The following LTBP1 variants were observed in gnomAD, a reference collection of about 807,000 sequenced individuals.
LTBP1 encodes the protein latent-transforming growth factor beta-binding protein 1.
In LTBP1, 129 loss-of-function variants were observed where a neutral mutation model predicts 207.6. The observed-to-expected ratio is 0.62, with a 90% CI of 0.54 to 0.72. LTBP1 has a LOEUF of 0.72. Ranked by LOEUF, LTBP1 falls within the 30% of genes least tolerant of loss-of-function variation. The probability of loss-of-function intolerance (pLI) is 0.00; values close to 1 mark genes in which losing one functional copy is unlikely to be tolerated. For synonymous variants in LTBP1, 963 were observed against 833.7 expected (o/e 1.16, Z -2.67); for missense variants, 2,281 against 2,217.2 (o/e 1.03, Z -0.58).
At chr2:32,969,904 C>A (rs1406829339) in intron 2 of LTBP1, among the ~76,000 whole-genome samples, 1 of 152,138 alleles carries the variant, frequency 6.6e-6, no homozygotes, top group Non-Finnish European at 1.5e-5. Flanking sequence ...TATAAACATT[C>A]CCTTTTTTTC....
At chr2:32,972,777 G>T (rs1267078020) in intron 2 of LTBP1, among the ~76,000 whole-genome samples, 1 of 152,130 alleles carries the variant, frequency 6.6e-6, no homozygotes, top group African/African-American at 2.4e-5. Context: ...CTCTCCTGCT[G>T]CCATGTAAGA....
chr2:32,955,501 T>A (rs891890044), intron 2 of LTBP1, among the ~76,000 whole-genome samples: 2 of 152,208 alleles, frequency 1.3e-5, no homozygotes, highest in African/African-American at 4.8e-5. Context: ...AATTACAAAA[T>A]TTTTAAAGTT....
At chr2:32,953,036 G>A (rs915246357) in intron 2 of LTBP1, among the ~76,000 whole-genome samples, 15 of 152,160 alleles carry the variant, frequency 9.9e-5, no homozygotes, top group Admixed American at 7.2e-4. Flanking sequence ...CACTTAACTC[G>A]TGGCACATCA....
intron 26 of LTBP1, among the ~76,000 whole-genome samples, chr2:33,354,584 T>C (rs1053317340): frequency 6.6e-6 from 1 of 152,038 alleles, no homozygotes; most frequent in Non-Finnish European, 1.5e-5. Context: ...GATTTTCTGC[T>C]TGCTATAGAT....
chr2:33,079,515 G>A (rs1180561218), intron 3 of LTBP1, among the ~76,000 whole-genome samples: 1 of 152,194 alleles, frequency 6.6e-6, no homozygotes, highest in Non-Finnish European at 1.5e-5. Flanking sequence ...AAGGGTGTGT[G>A]TGAGATTAGT....
At chr2:32,978,903 T>G (rs1373115383) in intron 2 of LTBP1, among the ~76,000 whole-genome samples, 1 of 151,902 alleles carries the variant, frequency 6.6e-6, no homozygotes, top group Non-Finnish European at 1.5e-5. Context: ...CTGTTCAGGT[T>G]TTGAATTTCT....
chr2:33,329,030 G>T (rs1328156861), intron 24 of LTBP1, among the ~76,000 whole-genome samples: 3 of 152,040 alleles, frequency 2.0e-5, no homozygotes, highest in Non-Finnish European at 2.9e-5. Context: ...ATTTCTGTTG[G>T]ATATCACTAA....
intron 3 of LTBP1, among the ~76,000 whole-genome samples, chr2:33,070,276 C>T (rs530131266): frequency 1.7e-4 from 26 of 152,286 alleles, no homozygotes; most frequent in African/African-American, 5.5e-4. Flanking sequence ...CATCTGGAGC[C>T]GTTGTTGCTT....
chr2:33,013,631 T>C (rs1210578401), intron 2 of LTBP1, among the ~76,000 whole-genome samples: 1 of 152,182 alleles, frequency 6.6e-6, no homozygotes, highest in Non-Finnish European at 1.5e-5. Context: ...TCAGAAACAA[T>C]CCAGGAAAAC....
chr2:33,354,132 G>A lies in LTBP1; in HGVS notation c.4001-6465G>A, dbSNP rs2094822542. On this transcript the variant is annotated intron_variant, in intron 26 of 33. Coordinates refer to ENST00000404816, the MANE Select transcript of LTBP1 (RefSeq NM_206943.4). ...CCCACCTCAGCCTCCCAAAGTGCTG[G>A]GATTACAGGAGTGAGCCACCGCGCT... 2.0e-5 allele frequency among the ~76,000 whole-genome samples: 3 copies of A among 152,192 alleles called. No homozygotes were observed. In the South Asian group the frequency reaches 6.2e-4, roughly 32 times the overall value.
intron 9 of LTBP1, among the ~76,000 whole-genome samples, chr2:33,241,268 A>C (rs1322982626): frequency 2.0e-5 from 3 of 152,162 alleles, no homozygotes; most frequent in Non-Finnish European, 4.4e-5. Flanking sequence ...AAACAGTCAT[A>C]ACAGGAAGAG....
chr2:33,233,412 TA>T (rs1176133070), intron 9 of LTBP1, among the ~76,000 whole-genome samples: 3 of 152,156 alleles, frequency 2.0e-5, no homozygotes, highest in African/African-American at 7.2e-5. Flanking sequence ...ATTGTTTAAG[TA>T]TTCATTTAAC....
rs1197219548 is a variant in LTBP1, at chr2:33,188,777, G to A, written c.1627G>A (p.Val543Ile). ...TIHSTYSHQQ[V>I]IPHVYPVAAK... is the part of the protein sequence containing the mutation. ...ACATTCCACATACTCCCACCAGCAG[G>A]TCATTCCTCACGTCTACCCCGTGGC... Residue 543 changes from valine (V) to isoleucine (I), a missense_variant, in exon 7 of 34, where the codon GTC becomes ATC. Around this residue, in one of 3 missense-constraint regions of LTBP1, gnomAD observed 1,671 missense variants for 1,634.8 expected, o/e 1.02. Coordinates refer to ENST00000404816, the MANE Select transcript of LTBP1 (RefSeq NM_206943.4). 2 of 1,614,000 alleles carry A rather than the reference G, an allele frequency of 1.2e-6. No individual in the cohort carries two copies. Among genetic ancestry groups the A allele is most frequent in the African/African-American group, 1.3e-5 (1 of 74,896 alleles).
chr2:33,171,195 C>T (rs1228470269), intron 5 of LTBP1, among the ~76,000 whole-genome samples: 1 of 124,980 alleles, frequency 8.0e-6, no homozygotes, highest in Admixed American at 8.3e-5. Flanking sequence ...AGGCTTCAGA[C>T]GATCAAACTA....
At chr2:33,295,057 A>C (rs1280119655) in intron 20 of LTBP1, among the ~76,000 whole-genome samples, 1 of 151,822 alleles carries the variant, frequency 6.6e-6, no homozygotes. Flanking sequence ...TTTAATTCTG[A>C]AAAGGCTTAA....
At chr2:33,029,606 A>G (rs987257977) in intron 3 of LTBP1, among the ~76,000 whole-genome samples, 2 of 152,240 alleles carry the variant, frequency 1.3e-5, no homozygotes, top group African/African-American at 2.4e-5. Flanking sequence ...TATAACTGCA[A>G]GTGTCTGAAT....
rs111796509 is a variant in LTBP1 at position 33,277,760 on chromosome 2, C to T, written c.2992+1837C>T. Among the ~76,000 whole-genome samples the T allele has an allele frequency of 7.8e-3, 737 of 94,302 alleles. 2 individuals are homozygous for T. Among genetic ancestry groups the T allele is most frequent in the Non-Finnish European group, 0.011 (549 of 49,452 alleles). The allele number at this position is 94,302 out of a possible 152,430, so 61.9% of individuals were successfully genotyped here. ...GAAGTCAAATACTGATTTTTTTTTC[C>T]CTTTCTTTCTTTCTTTCTTTCTTTC... On this transcript the variant is annotated intron_variant, in intron 18 of 33. Coordinates refer to ENST00000404816, the MANE Select transcript of LTBP1 (RefSeq NM_206943.4).
chr2:32,973,936 C>A (rs1170181260), intron 2 of LTBP1, among the ~76,000 whole-genome samples: 1 of 152,084 alleles, frequency 6.6e-6, no homozygotes, highest in South Asian at 2.1e-4. Flanking sequence ...GGATTTTATT[C>A]TTTTTTATGG....
chr2:32,995,890 G>T (rs1011956230), intron 2 of LTBP1, among the ~76,000 whole-genome samples: 1 of 152,170 alleles, frequency 6.6e-6, no homozygotes, highest in Non-Finnish European at 1.5e-5. Flanking sequence ...TCTAAAGGAG[G>T]TATCATTTTC....
Sources: gnomAD v4.1 joint callset for allele counts (sites outside exome capture counted in the v4.1 genomes callset) on GRCh38, gnomAD v4.1.1 for gene constraint, gnomAD v4.1.1 regional missense constraint, MANE v1.5 for transcripts, NCBI Gene and HGNC (gene_info 2026-07-23, HGNC 2026-07-21) for gene names.